Variants in GTF2A1L observed in about 807,000 individuals in gnomAD.
GTF2A1L encodes the protein TFIIA-alpha and beta-like factor.
In GTF2A1L, 48 loss-of-function variants were observed where a neutral mutation model predicts 49.7. That is an observed-to-expected ratio of 0.97 (90% CI 0.77 to 1.23). The LOEUF (loss-of-function observed/expected upper bound fraction) is 1.23, where lower values mean the gene tolerates loss of function less well. Among genes scored for constraint, GTF2A1L ranks in the 50% most tolerant of loss-of-function variants. The pLI is 0.00. For missense variants in GTF2A1L, 736 were observed against 564.8 expected (o/e 1.30, Z -3.07); for synonymous variants, 246 against 193.5 (o/e 1.27, Z -2.25).
intron 3 of GTF2A1L, among the ~76,000 whole-genome samples, chr2:48,639,849 AGAG>A (rs1677106024): frequency 6.6e-6 from 1 of 152,232 alleles, no homozygotes; most frequent in Admixed American, 6.5e-5. Flanking sequence ...CAAATTTACA[AGAG>A]AAGAACAAAC....
chr2:48,659,179 G>A (rs1389729316), intron 6 of GTF2A1L, among the ~76,000 whole-genome samples: 2 of 152,062 alleles, frequency 1.3e-5, no homozygotes, highest in African/African-American at 2.4e-5. Context: ...TGTTGATTTT[G>A]TATAGTGTCT....
chr2:48,622,954 C>G (rs1676091646), intron 3 of GTF2A1L, among the ~76,000 whole-genome samples: 1 of 149,610 alleles, frequency 6.7e-6, no homozygotes, highest in Admixed American at 6.7e-5. Context: ...AGTCTTGCAA[C>G]TAGTGTATCA....
chr2:48,648,676 T>C (rs1022888961), intron 6 of GTF2A1L, among the ~76,000 whole-genome samples: 96 of 152,210 alleles, frequency 6.3e-4, no homozygotes, highest in African/African-American at 2.3e-3. Context: ...TCAGAGATAA[T>C]ATATATGAAG....
intron 8 of GTF2A1L, among the ~76,000 whole-genome samples, chr2:48,675,061 T>G (rs1024936776): frequency 2.0e-5 from 3 of 152,202 alleles, no homozygotes; most frequent in Non-Finnish European, 4.4e-5. Context: ...AGAAAAACTT[T>G]CCAGTGCTGG....
chr2:48,654,029 G>A (rs1678027529), intron 6 of GTF2A1L, among the ~76,000 whole-genome samples: 1 of 151,592 alleles, frequency 6.6e-6, no homozygotes, highest in Admixed American at 6.6e-5. Context: ...ATAAACGTAT[G>A]CTTATGAGAA....
intron 3 of GTF2A1L, among the ~76,000 whole-genome samples, chr2:48,626,924 A>G (rs1192432631): frequency 7.0e-6 from 1 of 143,192 alleles, no homozygotes; most frequent in Non-Finnish European, 1.6e-5. Flanking sequence ...TGTTTTTATG[A>G]TTTTTTGGAT....
Position 48,669,806 on chromosome 2 carries a change from A to ACATC in GTF2A1L, c.1064_1067dup (p.Ser357IlefsTer4). 1 of 1,614,100 alleles carries ACATC rather than the reference A, an allele frequency of 6.2e-7. No homozygotes were observed. The highest frequency in any genetic ancestry group is 8.5e-7 in the Non-Finnish European group (1 of 1,180,000). On this transcript the variant is annotated frameshift_variant, in exon 7 of 9. Transcript: ENST00000403751. LOFTEE classifies it high-confidence loss of function. ...AATTCAAGTAGATGGAAGCGGTGAT[A>ACATC]CATCTTCCAATGAAGAAATAGGAAG...
chr2:48,656,668 G>A (rs1678194884), intron 6 of GTF2A1L, among the ~76,000 whole-genome samples: 1 of 151,836 alleles, frequency 6.6e-6, no homozygotes, highest in Non-Finnish European at 1.5e-5. Context: ...TGTTAATAAT[G>A]TCTTTTGAGC....
chr2:48,666,631 G>A (rs1009548143), intron 6 of GTF2A1L, among the ~76,000 whole-genome samples: 4 of 151,560 alleles, frequency 2.6e-5, no homozygotes, highest in Admixed American at 2.6e-4. Flanking sequence ...GTGTGTGTTT[G>A]TGTTCTTCCT....
chr2:48,668,299 A>C (rs1572771395), intron 6 of GTF2A1L, among the ~76,000 whole-genome samples: 1 of 152,182 alleles, frequency 6.6e-6, no homozygotes, highest in African/African-American at 2.4e-5. Flanking sequence ...TATGTGTGTC[A>C]ACATTATGTA....
In GTF2A1L at chr2:48,646,419, A is replaced by G. The variant is rs201150092; in HGVS notation, c.389-34A>G. On this transcript the variant is annotated intron_variant, in intron 5 of 8. Transcript: ENST00000403751. ...GGTTGTCAAAGGAAATTTTAATTCT[A>G]TTATACTTACAATTTTGCTTTCTCC... The G allele has an allele frequency of 1.2e-5, 18 of 1,458,950 alleles. No individual in the cohort carries two copies. In the Middle Eastern group the frequency reaches 5.9e-4, roughly 48 times the overall value. 90.4% of individuals were successfully genotyped at this position (1,458,950 alleles called of 1,614,324 possible).
At chr2:48,632,061 T>C (rs1676608345) in intron 3 of GTF2A1L, among the ~76,000 whole-genome samples, 1 of 152,226 alleles carries the variant, frequency 6.6e-6, no homozygotes, top group African/African-American at 2.4e-5. Context: ...GGCAATGTCT[T>C]CCAGAGTTAA....
rs368819440 is a variant in GTF2A1L at position 48,646,978 on chromosome 2, G to C, written c.914G>C (p.Gly305Ala). 1 of 1,614,096 alleles carries C rather than the reference G, an allele frequency of 6.2e-7. No individual in the cohort carries two copies. Among genetic ancestry groups the C allele is most frequent in the Non-Finnish European group, 8.5e-7 (1 of 1,180,018 alleles). ...CATATTCTTAAAAATAGGATGTATG[G>C]ATGTGATTCTGTAAAGCAACCAAGA... ...QLHILKNRMYGCDSVKQPRNI... is the reference protein window; with the variant it reads ...QLHILKNRMYACDSVKQPRNI... The change falls in exon 6 of 9, where the codon GGA (glycine) becomes GCA (alanine). Residue 305 changes from glycine (G) to alanine (A), a missense_variant. Transcript: ENST00000403751.
At chr2:48,679,179 C>G (rs139455962) in intron 8 of GTF2A1L, among the ~76,000 whole-genome samples, 156 bp from the exon 9 acceptor site, 1 of 152,054 alleles carries the variant, frequency 6.6e-6, no homozygotes, top group East Asian at 1.9e-4. Flanking sequence ...CATAGGAACT[C>G]AAATGTTTAT....
chr2:48,671,631 T>G lies in GTF2A1L; in HGVS notation c.1280T>G (p.Val427Gly). 2 of 1,613,762 alleles carry G rather than the reference T, an allele frequency of 1.2e-6. No individual in the cohort carries two copies. The highest frequency in any genetic ancestry group is 1.7e-6 in the Non-Finnish European group (2 of 1,179,726). The change falls in exon 8 of 9, where the codon GTG (valine) becomes GGG (glycine). Residue 427 changes from valine (V) to glycine (G), a missense_variant. Physicochemically the swap from Val to Gly is moderately radical, Grantham distance 109 (BLOSUM62 -3). Transcript: ENST00000403751. ...NSGDDVSEQD[V>G]PDLFDTDNVI... Reference sequence around the variant, plus strand: ...GGAGATGATGTTAGTGAACAGGATGTGCCAGACCTGTTTGACACGGATAAT... The same window carrying G: ...GGAGATGATGTTAGTGAACAGGATGGGCCAGACCTGTTTGACACGGATAAT...
chr2:48,670,127 T>A, intron 7 of GTF2A1L, 145 bp downstream of exon 7: 1 of 1,245,206 alleles, frequency 8.0e-7, no homozygotes, highest in East Asian at 2.7e-5. Flanking sequence ...GCACGGTGGC[T>A]CACACATGTA....
intron 7 of GTF2A1L, among the ~76,000 whole-genome samples, chr2:48,670,379 TA>T (rs35545854): frequency 6.2e-4 from 90 of 145,868 alleles, no homozygotes; most frequent in Middle Eastern, 3.6e-3. Flanking sequence ...CAAGACTCTT[TA>T]AAAAAAAAAA....
At chr2:48,655,069 T>C (rs1244625190) in intron 6 of GTF2A1L, among the ~76,000 whole-genome samples, 1 of 152,156 alleles carries the variant, frequency 6.6e-6, no homozygotes, top group African/African-American at 2.4e-5. Context: ...TTGTGTTGAA[T>C]CTATAGATCA....
At chr2:48,650,911 T>C (rs1047981111) in intron 6 of GTF2A1L, among the ~76,000 whole-genome samples, 2 of 152,178 alleles carry the variant, frequency 1.3e-5, no homozygotes, top group Non-Finnish European at 2.9e-5. Context: ...ATAGTTTACG[T>C]TGAAAATGTG....
Sources: allele counts gnomAD v4.1 joint callset (sites outside exome capture counted in the v4.1 genomes callset), GRCh38; gene constraint gnomAD v4.1.1; transcripts MANE v1.5; gene names NCBI Gene and HGNC (gene_info 2026-07-23, HGNC 2026-07-21).